Variants in HEATR4 observed in about 807,000 individuals in gnomAD.
HEATR4 encodes the protein HEAT repeat containing 4, also known as HEAT repeat-containing protein 4.
In HEATR4, 95 loss-of-function variants were observed where a neutral mutation model predicts 108.8. That is an observed-to-expected ratio of 0.87 (90% confidence interval 0.74 to 1.04). The LOEUF (loss-of-function observed/expected upper bound fraction) is 1.04. Among genes scored for constraint, HEATR4 ranks in the 50% least tolerant of loss-of-function variants. The pLI is 0.00. For synonymous variants in HEATR4, 443 were observed against 459.4 expected, an observed-to-expected ratio of 0.96 and a Z score of 0.46; for missense variants, 1,152 against 1,253.8, an observed-to-expected ratio of 0.92 and a Z score of 1.23.
the HEATR4 span, chr14:73,595,770 T>C: frequency 7.9e-7 from 1 of 1,267,218 alleles, no homozygotes; most frequent in Non-Finnish European, 1.0e-6. Context: ...TCATTAATGG[T>C]GTATTTTACG....
chr14:73,508,226 T>A lies in HEATR4; in HGVS notation c.1789A>T (p.Ile597Phe). 6.2e-7 allele frequency: 1 copy of A among 1,614,066 alleles called. No homozygotes were observed. The highest frequency in any genetic ancestry group is 8.5e-7 in the Non-Finnish European group (1 of 1,179,948). The change falls in exon 9 of 18, where the codon ATT (isoleucine) becomes TTT (phenylalanine). Residue 597 changes from isoleucine to phenylalanine, a missense_variant. Transcript: ENST00000553558. ...AACAGCTGGTGGAGGATCCTCTTAA[T>A]CACAGGGTAAGTAGCAGTACCTTCC... ...ALEGTATYPVIKRILHQLFTK... is the reference protein window; with the variant it reads ...ALEGTATYPVFKRILHQLFTK...
At chr14:73,613,547 C>G in the HEATR4 span, among the ~76,000 whole-genome samples, 1 of 152,148 alleles carries the variant, frequency 6.6e-6, no homozygotes, top group Non-Finnish European at 1.5e-5. Context: ...GCCTGACAGT[C>G]CTCTCCCTTC....
Position 73,522,287 on chromosome 14 carries a change from A to C in HEATR4, c.866T>G (p.Leu289Arg). ...PQEKKKPELL[L>R]PVYYRLPSYF... ...GCCAGTATACCTGTAGTAAACGGGA[A>C]GCAGCAGTTCTGGCTTCTTCTTTTC... The change falls in exon 3 of 18, where the codon CTT becomes CGT. Residue 289 changes from leucine to arginine, a missense_variant. By Grantham distance (102) the Leu-to-Arg change is moderately radical. Coordinates refer to ENST00000553558, the MANE Select transcript of HEATR4 (RefSeq NM_001220484.1). 2 of 1,613,960 alleles carry C rather than the reference A, an allele frequency of 1.2e-6. No individual in the cohort carries two copies. The highest frequency in any genetic ancestry group is 1.7e-6 in the Non-Finnish European group (2 of 1,179,932).
the HEATR4 span, chr14:73,569,940 C>T: frequency 2.6e-6 from 4 of 1,540,112 alleles, no homozygotes; most frequent in African/African-American, 4.1e-5. Context: ...TGTGTGTCTC[C>T]CCCGCCCCAC....
chr14:73,584,833 A>G, the HEATR4 span, among the ~76,000 whole-genome samples: 33 of 148,808 alleles, frequency 2.2e-4, no homozygotes, highest in African/African-American at 8.1e-4. Flanking sequence ...ACACAAATCA[A>G]CCTCCCCATG....
chr14:73,570,031 C>T, the HEATR4 span: 4 of 1,308,808 alleles, frequency 3.1e-6, no homozygotes, highest in South Asian at 3.1e-5. Flanking sequence ...TGGTCTCCAG[C>T]TATCTTCCCG....
At chr14:73,595,288 A>G in the HEATR4 span, 2 of 1,614,204 alleles carry the variant, frequency 1.2e-6, no homozygotes. Context: ...ATGCTCTCGT[A>G]GGAGGGTACA....
At chr14:73,561,032 G>A (rs1889524374), upstream of HEATR4, among the ~76,000 whole-genome samples, 1 of 152,058 alleles carries the variant, frequency 6.6e-6, no homozygotes, top group African/African-American at 2.4e-5. Flanking sequence ...TAAACAAAAT[G>A]TGGAAGATAC....
In HEATR4 at chr14:73,498,308, G is replaced by A. The variant is rs529234872; in HGVS notation, c.2393C>T (p.Thr798Met). 33 of 1,610,758 alleles carry A rather than the reference G, an allele frequency of 2.0e-5. No homozygotes were observed. Among genetic ancestry groups the A allele is most frequent in the Middle Eastern group, 1.7e-4 (1 of 6,052 alleles). The change falls in exon 14 of 18, where the codon ACG becomes ATG. Residue 798 changes from threonine to methionine, a missense_variant. Coordinates refer to ENST00000553558, the MANE Select transcript of HEATR4 (RefSeq NM_001220484.1). ...GTGGATAGCCCAGAGCAGAAGATCCGTCAGCTCGGGACTTACTTGCCCAAT... is the reference window on the plus strand; with the variant it reads ...GTGGATAGCCCAGAGCAGAAGATCCATCAGCTCGGGACTTACTTGCCCAAT... The part of the protein sequence containing the change: ...GQIGQVSPEL[T>M]DLLLWAIHYE...
chr14:73,518,316 A>C (rs1247564831), intron 5 of HEATR4, among the ~76,000 whole-genome samples: 1 of 151,008 alleles, frequency 6.6e-6, no homozygotes, highest in East Asian at 2.0e-4. Context: ...AGGCAGGGGA[A>C]TTGCTTGAAC....
chr14:73,620,036 C>G, the HEATR4 span: 306 of 547,366 alleles, frequency 5.6e-4, 2 homozygotes, highest in African/African-American at 5.5e-3. Flanking sequence ...CTCAGACTCC[C>G]GAGTATCTGG....
At chr14:73,603,702 CA>C in the HEATR4 span, among the ~76,000 whole-genome samples, 1 of 151,356 alleles carries the variant, frequency 6.6e-6, no homozygotes, top group African/African-American at 2.4e-5. Context: ...TTTTTTCTTT[CA>C]AAACATTTGA....
chr14:73,492,837 G>A lies in HEATR4; in HGVS notation c.2844+229C>T. The A allele has an allele frequency of 6.2e-7, 1 of 1,613,944 alleles. No homozygotes were observed. The highest frequency in any genetic ancestry group is 1.3e-5 in the African/African-American group (1 of 75,026). The stretch of plus-strand genomic sequence containing the variant: ...CTTGGTTCTTATCCAGAGTTTGTGA[G>A]AGTGGGGGACCTGCCCTGTGACAGT... On this transcript the variant is annotated intron_variant, in intron 17 of 17. Coordinates refer to ENST00000553558, the MANE Select transcript of HEATR4 (RefSeq NM_001220484.1). The surrounding 1 kb of genome is among the most constrained non-coding windows in gnomAD (Gnocchi z 4.9).
the HEATR4 span, among the ~76,000 whole-genome samples, chr14:73,622,917 G>GT: frequency 0.046 from 6,841 of 150,332 alleles, 215 homozygotes; most frequent in Non-Finnish European, 0.073. Context: ...TTTAGTTTTT[G>GT]TTTTTTTTTG....
chr14:73,541,556 G>A lies in HEATR4; in HGVS notation c.-151-11312C>T, dbSNP rs768462704. 9 of 1,244,310 alleles carry A rather than the reference G, an allele frequency of 7.2e-6. 2 individuals are homozygous for A. Among genetic ancestry groups the A allele is most frequent in the Admixed American group, 4.8e-5 (2 of 41,466 alleles). The allele number at this position is 1,244,310 out of a possible 1,614,324, so 77.1% of individuals were successfully genotyped here. A position where few individuals can be genotyped will look rare whatever the true frequency, so the allele number is the denominator to read the frequency against. On this transcript the variant is annotated intron_variant, in intron 1 of 17. Transcript: ENST00000553558. ...ACTGGAGGTGGCCTGCTGGAGTATC[G>A]GGCTAGTCTGCTGGCTGGGAAGGGT...
At chr14:73,593,834 C>T in the HEATR4 span, 5 of 1,614,036 alleles carry the variant, frequency 3.1e-6, no homozygotes, top group Non-Finnish European at 4.2e-6. Flanking sequence ...GAAGATCTCC[C>T]CAATAACATG....
At chr14:73,608,786 A>G in the HEATR4 span, among the ~76,000 whole-genome samples, 1 of 152,196 alleles carries the variant, frequency 6.6e-6, no homozygotes, top group African/African-American at 2.4e-5. Context: ...GGGATAATTT[A>G]CGAAGGAAAG....
At chr14:73,627,700 A>C in the HEATR4 span, among the ~76,000 whole-genome samples, 1 of 152,154 alleles carries the variant, frequency 6.6e-6, no homozygotes, top group Non-Finnish European at 1.5e-5. Flanking sequence ...GTTTTTATGG[A>C]AGCCTCATCA....
At chr14:73,515,332 C>T (rs1887529780) in intron 5 of HEATR4, among the ~76,000 whole-genome samples, 2 of 152,130 alleles carry the variant, frequency 1.3e-5, no homozygotes, top group Admixed American at 6.6e-5. Context: ...TGCTCTGAAT[C>T]AATTCTTTCC....
Sources: allele counts gnomAD v4.1 joint callset (sites outside exome capture counted in the v4.1 genomes callset), GRCh38; gene constraint gnomAD v4.1.1; non-coding constraint Gnocchi (gnomAD v3.1); transcripts MANE v1.5; gene names NCBI Gene and HGNC (gene_info 2026-07-23, HGNC 2026-07-21).